Variants in MARCHF1 observed in about 807,000 individuals in gnomAD.
MARCHF1 encodes the protein E3 ubiquitin-protein ligase MARCHF1.
In MARCHF1, 40 loss-of-function variants were observed where a neutral mutation model predicts 54.2. That is an observed-to-expected ratio of 0.74 (90% CI 0.57 to 0.96). The LOEUF (loss-of-function observed/expected upper bound fraction) is 0.96. Among genes scored for constraint, MARCHF1 ranks in the 40% least tolerant of loss-of-function variants. MARCHF1 has a pLI of 0.00. For missense variants in MARCHF1, 586 were observed against 656.5 expected (o/e 0.89, Z 1.17); for synonymous variants, 236 against 236.3 (o/e 1.00, Z 0.01).
chr4:164,021,767 T>C (rs1452762097), intron 2 of MARCHF1, among the ~76,000 whole-genome samples: 3 of 151,922 alleles, frequency 2.0e-5, no homozygotes, highest in African/African-American at 7.2e-5. Flanking sequence ...GCGGACAGAA[T>C]TGCTTGAACC....
chr4:164,022,730 G>A (rs1022464667), intron 2 of MARCHF1, among the ~76,000 whole-genome samples: 7 of 152,184 alleles, frequency 4.6e-5, no homozygotes, highest in East Asian at 1.9e-4. Context: ...CCCCATCTCC[G>A]TCCAAGTATC....
chr4:163,756,421 G>A (rs566585956), intron 4 of MARCHF1, among the ~76,000 whole-genome samples: 2 of 151,654 alleles, frequency 1.3e-5, no homozygotes, highest in Non-Finnish European at 2.9e-5. Flanking sequence ...AAGGTCAGGA[G>A]ATCGAGACTA....
intron 1 of MARCHF1, among the ~76,000 whole-genome samples, chr4:164,310,157 A>C (rs944366181): frequency 3.9e-5 from 6 of 151,904 alleles, no homozygotes; most frequent in Admixed American, 2.0e-4. Flanking sequence ...GGCTCACTGC[A>C]ACCTCCACCT....
At chr4:164,109,425 C>T (rs775545440) in intron 2 of MARCHF1, among the ~76,000 whole-genome samples, 5 of 151,902 alleles carry the variant, frequency 3.3e-5, no homozygotes, top group Non-Finnish European at 7.4e-5. Flanking sequence ...AAAATCATTA[C>T]AAAACAAAGA....
At chr4:163,806,166 T>A (rs1311565420) in intron 4 of MARCHF1, among the ~76,000 whole-genome samples, 2 of 152,152 alleles carry the variant, frequency 1.3e-5, no homozygotes, top group East Asian at 3.8e-4. Context: ...TATTGGGAAA[T>A]AAACATGCTG....
chr4:163,723,772 T>A (rs1745558398), intron 4 of MARCHF1, among the ~76,000 whole-genome samples: 1 of 152,228 alleles, frequency 6.6e-6, no homozygotes, highest in African/African-American at 2.4e-5. Context: ...ATTTCGTTCA[T>A]TTGATCTTCA....
intron 1 of MARCHF1, among the ~76,000 whole-genome samples, chr4:164,174,342 A>C (rs960952726): frequency 5.3e-5 from 8 of 152,228 alleles, no homozygotes; most frequent in Non-Finnish European, 1.2e-4. Flanking sequence ...TACAGGGCTT[A>C]AAAGTGAGCA....
chr4:164,335,454 C>T (rs936104797), intron 1 of MARCHF1, among the ~76,000 whole-genome samples: 17 of 152,020 alleles, frequency 1.1e-4, no homozygotes, highest in South Asian at 6.2e-4. Context: ...TGGTGGCTTG[C>T]GCCTATAGTC....
intron 5 of MARCHF1, among the ~76,000 whole-genome samples, chr4:163,644,491 C>G (rs181224219): frequency 6.6e-6 from 1 of 152,130 alleles, no homozygotes; most frequent in Admixed American, 6.5e-5. Flanking sequence ...ACGCAAGGAC[C>G]CAGAGGGAGA....
At chr4:164,124,579 G>A (rs573319646) in intron 1 of MARCHF1, among the ~76,000 whole-genome samples, 4 of 151,708 alleles carry the variant, frequency 2.6e-5, no homozygotes, top group African/African-American at 9.7e-5. Flanking sequence ...TATACACAAC[G>A]GAGTACTATT....
At chr4:164,207,651 T>C (rs1339361907) in intron 1 of MARCHF1, among the ~76,000 whole-genome samples, 3 of 152,112 alleles carry the variant, frequency 2.0e-5, no homozygotes, top group African/African-American at 7.2e-5. Context: ...TCCCTGCTGG[T>C]GTTCACCACA....
chr4:163,935,373 T>C (rs1454354124), intron 3 of MARCHF1, among the ~76,000 whole-genome samples: 1 of 152,128 alleles, frequency 6.6e-6, no homozygotes, highest in African/African-American at 2.4e-5. Flanking sequence ...ACATTGAAAA[T>C]CTGTTTTTAA....
At chr4:163,947,774 A>G (rs1188711939) in intron 3 of MARCHF1, among the ~76,000 whole-genome samples, 1 of 152,246 alleles carries the variant, frequency 6.6e-6, no homozygotes, top group Non-Finnish European at 1.5e-5. Flanking sequence ...TCTAGAAGCC[A>G]TCTGCCTTTG....
chr4:164,368,199 A>G (rs1730934462), intron 1 of MARCHF1, among the ~76,000 whole-genome samples: 1 of 151,044 alleles, frequency 6.6e-6, no homozygotes, highest in Non-Finnish European at 1.5e-5. Context: ...CCTAGGTGAA[A>G]AAAAAAAATC....
chr4:164,133,647 A>G (rs1756345094), intron 1 of MARCHF1, among the ~76,000 whole-genome samples: 1 of 152,220 alleles, frequency 6.6e-6, no homozygotes, highest in Non-Finnish European at 1.5e-5. Context: ...AACTTTACCA[A>G]AAATAAATTT....
chr4:164,191,614 T>A (rs533416491), intron 1 of MARCHF1, among the ~76,000 whole-genome samples: 3 of 152,264 alleles, frequency 2.0e-5, no homozygotes, highest in South Asian at 4.1e-4. Flanking sequence ...GTTAATCAAG[T>A]TTGTACAGGG....
chr4:163,741,405 T>C (rs892567469), intron 4 of MARCHF1, among the ~76,000 whole-genome samples: 1 of 151,954 alleles, frequency 6.6e-6, no homozygotes. Context: ...GCCAACATGA[T>C]GAAACCCCAT....
intron 1 of MARCHF1, among the ~76,000 whole-genome samples, chr4:164,230,693 G>T (rs1732392065): frequency 6.6e-6 from 1 of 151,930 alleles, no homozygotes; most frequent in African/African-American, 2.4e-5. Flanking sequence ...CTGACATCTG[G>T]ACTACAATTG....
At chr4:164,242,853 C>A (rs541983902) in intron 1 of MARCHF1, among the ~76,000 whole-genome samples, 4 of 148,548 alleles carry the variant, frequency 2.7e-5, no homozygotes, top group Non-Finnish European at 4.5e-5. Context: ...GGAGCCGATG[C>A]GATCAACTGG....
Sources: allele counts gnomAD v4.1 joint callset (sites outside exome capture counted in the v4.1 genomes callset), GRCh38; gene constraint gnomAD v4.1.1; transcripts MANE v1.5; gene names NCBI Gene and HGNC (gene_info 2026-07-23, HGNC 2026-07-21).